Variants in PARN observed in about 807,000 individuals in gnomAD.
PARN encodes the protein poly(A)-specific ribonuclease.
In PARN, 71 loss-of-function variants were observed where a neutral mutation model predicts 102.8. The ratio of observed to expected loss-of-function variants is 0.69; its 90% CI spans 0.57 to 0.84. PARN has a LOEUF of 0.84. Ranked by LOEUF, PARN falls within the 40% of genes least tolerant of loss-of-function variation. The probability of loss-of-function intolerance (pLI) is 0.00; values close to 1 mark genes in which losing one functional copy is unlikely to be tolerated. For synonymous variants in PARN, 261 were observed against 252.9 expected, an observed-to-expected ratio of 1.03 and a Z score of -0.30; for missense variants, 782 against 760.9, an observed-to-expected ratio of 1.03 and a Z score of -0.33.
At chr16:14,626,907 G>A (rs556724610) in intron 5 of PARN, among the ~76,000 whole-genome samples, 199 bp downstream of exon 5, 6 of 152,174 alleles carry the variant, frequency 3.9e-5, no homozygotes, top group African/African-American at 9.6e-5. Flanking sequence ...ATGAGCCGCC[G>A]TACCTGGCCC....
intron 2 of PARN, 107 bp downstream of exon 2, chr16:14,629,490 A>G (rs1371538406): frequency 2.5e-6 from 2 of 815,714 alleles, no homozygotes; most frequent in Non-Finnish European, 4.2e-6. Context: ...CAAGGCTACT[A>G]ACAGCAAGAG....
intron 17 of PARN, 144 bp downstream of exon 17, chr16:14,582,037 T>A (rs1969562327): frequency 1.5e-6 from 1 of 663,316 alleles, no homozygotes; most frequent in Non-Finnish European, 2.7e-6. Context: ...TCTTGGACTT[T>A]CCAGCCTCCT....
At chr16:14,594,431 G>A (rs1220790871) in intron 12 of PARN, among the ~76,000 whole-genome samples, 1 of 152,030 alleles carries the variant, frequency 6.6e-6, no homozygotes, top group Non-Finnish European at 1.5e-5. Context: ...AAAACATCAG[G>A]GGCCGGGCGT....
At chr16:14,543,427 C>T (rs753731324) in intron 21 of PARN, among the ~76,000 whole-genome samples, 18 of 149,990 alleles carry the variant, frequency 1.2e-4, no homozygotes, top group South Asian at 1.1e-3. Flanking sequence ...ATTTTCTTCT[C>T]CTTATTTCTT....
intron 21 of PARN, among the ~76,000 whole-genome samples, chr16:14,548,038 T>A (rs1186912972): frequency 6.6e-6 from 1 of 152,006 alleles, no homozygotes; most frequent in Non-Finnish European, 1.5e-5. Flanking sequence ...AGGTCAGGCA[T>A]TCGAGACCAT....
At chr16:14,482,931 A>G in intron 21 of PARN, 104 bp from the exon 22 acceptor site, 1 of 904,154 alleles carries the variant, frequency 1.1e-6, no homozygotes, top group Non-Finnish European at 1.6e-6. Flanking sequence ...GAGCCCCATC[A>G]GGCCTGAGGT....
chr16:14,438,605 C>T (rs897238679), intron 23 of PARN, among the ~76,000 whole-genome samples: 3 of 152,156 alleles, frequency 2.0e-5, no homozygotes, highest in Non-Finnish European at 4.4e-5. Flanking sequence ...CTCACTGCTT[C>T]GTCTAAGATG....
chr16:14,496,816 C>G (rs1372230982), intron 21 of PARN, among the ~76,000 whole-genome samples: 1 of 152,166 alleles, frequency 6.6e-6, no homozygotes, highest in African/African-American at 2.4e-5. Flanking sequence ...TACTAAGCAC[C>G]AGGTTCTCTA....
chr16:14,629,463 G>T, intron 2 of PARN, 134 bp downstream of exon 2: 1 of 677,854 alleles, frequency 1.5e-6, no homozygotes. Flanking sequence ...GTAACACTGA[G>T]ACCTGTGAAA....
chr16:14,481,266 T>C (rs1963366303), intron 22 of PARN, among the ~76,000 whole-genome samples: 1 of 152,186 alleles, frequency 6.6e-6, no homozygotes, highest in Non-Finnish European at 1.5e-5. Context: ...GTAAAATAAA[T>C]GCTGCATATT....
chr16:14,593,462 G>A (rs1354256596), intron 12 of PARN, 84 bp from the exon 13 acceptor site: 10 of 266,110 alleles, frequency 3.8e-5, no homozygotes, highest in South Asian at 3.2e-4. Flanking sequence ...GATTCCAAGA[G>A]GACTTTGTAC....
At chr16:14,579,357 C>T (rs150609665) in intron 18 of PARN, among the ~76,000 whole-genome samples, 1 of 152,304 alleles carries the variant, frequency 6.6e-6, no homozygotes, top group Non-Finnish European at 1.5e-5. Flanking sequence ...CCACATCTAA[C>T]CCAGTTTGCA....
rs1450252664 is a variant in PARN, at chr16:14,585,512, C to CCTATGATG, written c.963-722_963-721insCATCATAG. On this transcript the variant is annotated intron_variant, in intron 14 of 23. Transcript: ENST00000437198. The stretch of plus-strand genomic sequence containing the variant: ...ACAAACACTTGTTCGGTAGGCTCCA[C>CCTATGATG]ATGGCTGACCTATGATGTCTCAGAG... Among the ~76,000 whole-genome samples, 265 of 152,200 alleles carry CCTATGATG rather than the reference C, an allele frequency of 1.7e-3. 3 individuals are homozygous for CCTATGATG. Among genetic ancestry groups the CCTATGATG allele is most frequent in the African/African-American group, 6.2e-3 (256 of 41,542 alleles).
In PARN at chr16:14,593,387, A is replaced by G. The variant is rs1970313993; in HGVS notation, c.841-9T>C. 6.6e-7 allele frequency: 1 copy of G among 1,517,014 alleles called. No individual in the cohort carries two copies. The highest frequency in any genetic ancestry group is 1.1e-5 in the South Asian group (1 of 88,702). The allele number at this position is 1,517,014 out of a possible 1,614,324, so 94.0% of individuals were successfully genotyped here. On this transcript the variant is annotated splice_polypyrimidine_tract_variant and intron_variant, in intron 12 of 23. Coordinates refer to ENST00000437198, the MANE Select transcript of PARN (RefSeq NM_002582.4). ...CCAATAACAAGTTTTCCCTAAAGAA[A>G]GTCAAGGTTAGAAAAAAGACTTCTA...
At chr16:14,604,012 C>T in intron 11 of PARN, 134 bp downstream of exon 11, 1 of 706,500 alleles carries the variant, frequency 1.4e-6, no homozygotes, top group Non-Finnish European at 2.5e-6. Context: ...CCAGGTTTTT[C>T]TGCCAATTCC....
At chr16:14,444,731 T>G (rs1453383716) in intron 23 of PARN, among the ~76,000 whole-genome samples, 1 of 152,194 alleles carries the variant, frequency 6.6e-6, no homozygotes, top group Non-Finnish European at 1.5e-5. Flanking sequence ...ATTTTAACAT[T>G]TGTTGAGCAC....
intron 18 of PARN, among the ~76,000 whole-genome samples, chr16:14,569,650 G>A (rs975692637): frequency 6.6e-6 from 1 of 152,178 alleles, no homozygotes; most frequent in African/African-American, 2.4e-5. Flanking sequence ...TGCTCCAGGT[G>A]ATGCAAAATA....
chr16:14,438,868 C>G (rs1321182716), intron 23 of PARN, among the ~76,000 whole-genome samples: 3 of 152,084 alleles, frequency 2.0e-5, no homozygotes, highest in African/African-American at 7.2e-5. Flanking sequence ...GAGACCCGGA[C>G]CAGAGGGGAA....
rs182484403 is a variant in PARN, at chr16:14,442,106, T to A, written c.1864+4782A>T. On this transcript the variant is annotated intron_variant, in intron 23 of 23. Coordinates refer to ENST00000437198, the MANE Select transcript of PARN (RefSeq NM_002582.4). The stretch of plus-strand genomic sequence containing the variant: ...TTTGGGCATGCCTCTGTAAACACCA[T>A]CTAACTAAGGTGCTGATGGAACCTG... Among the ~76,000 whole-genome samples the A allele has an allele frequency of 1.2e-4, 18 of 152,256 alleles. 1 individual carries two copies. In the East Asian group the frequency reaches 3.5e-3, roughly 29 times the overall value.
Sources: gnomAD v4.1 joint callset for allele counts (sites outside exome capture counted in the v4.1 genomes callset) on GRCh38, gnomAD v4.1.1 for gene constraint, MANE v1.5 for transcripts, NCBI Gene and HGNC (gene_info 2026-07-23, HGNC 2026-07-21) for gene names.